Variants in CNTN5 observed in about 807,000 individuals in gnomAD.
CNTN5 encodes the protein contactin-5.
CNTN5 carries 77 observed loss-of-function variants against 129.1 expected under a neutral mutation model. The observed-to-expected ratio is 0.60, with a 90% CI of 0.50 to 0.72. CNTN5 has a LOEUF of 0.72. Ranked by LOEUF, CNTN5 falls within the 30% of genes least tolerant of loss-of-function variation. The probability of loss-of-function intolerance (pLI) is 0.00; values close to 1 mark genes in which losing one functional copy is unlikely to be tolerated. For synonymous variants in CNTN5, 509 were observed against 465.6 expected (o/e 1.09, Z -1.20); for missense variants, 1,478 against 1,328.8 (o/e 1.11, Z -1.75).
At chr11:99,428,308 C>G (rs913165915) in intron 2 of CNTN5, among the ~76,000 whole-genome samples, 1 of 151,528 alleles carries the variant, frequency 6.6e-6, no homozygotes, top group Admixed American at 6.6e-5. Context: ...GTTTTTAATC[C>G]CAGCACTTCG....
intron 1 of CNTN5, among the ~76,000 whole-genome samples, chr11:99,316,585 C>T (rs1017281445): frequency 2.6e-5 from 4 of 151,802 alleles, no homozygotes; most frequent in Admixed American, 2.0e-4. Context: ...AGTAGACGAC[C>T]CTTCGGTGGA....
intron 3 of CNTN5, among the ~76,000 whole-genome samples, chr11:99,624,962 G>A (rs636504): frequency 0.61 from 92,936 of 151,958 alleles, 29,302 homozygotes; most frequent in Admixed American, 0.74. Flanking sequence ...TTCACTTGAC[G>A]TGATCAGAGA....
chr11:100,163,524 C>CTATT (rs998233697), intron 13 of CNTN5, among the ~76,000 whole-genome samples: 12 of 151,940 alleles, frequency 7.9e-5, no homozygotes, highest in African/African-American at 2.6e-4. Flanking sequence ...TATCAAGCAA[C>CTATT]TATTTTCTGG....
chr11:99,382,845 C>CTTTGTTTTTTTTTTT (rs1940666870), intron 2 of CNTN5, among the ~76,000 whole-genome samples: 1 of 77,032 alleles, frequency 1.3e-5, no homozygotes, highest in African/African-American at 6.2e-5. Flanking sequence ...CTCTAAATAA[C>CTTTGTTTTTTTTTTT]TTTTTTTTTT....
At chr11:99,101,081 G>C (rs1866709930) in intron 1 of CNTN5, among the ~76,000 whole-genome samples, 1 of 152,134 alleles carries the variant, frequency 6.6e-6, no homozygotes, top group Non-Finnish European at 1.5e-5. Context: ...AAGGCGAAAG[G>C]CACATGTTAC....
At chr11:99,089,529 G>A (rs566781855) in intron 1 of CNTN5, among the ~76,000 whole-genome samples, 16 of 152,224 alleles carry the variant, frequency 1.1e-4, no homozygotes, top group African/African-American at 3.9e-4. Context: ...TCAAAATTCA[G>A]TCTCAGTCCC....
In CNTN5 at chr11:100,284,642, C is replaced by G. The variant is rs112107903; in HGVS notation, c.2315-12983C>G. ...TTTAATTGAATTTTAATATTCTATA[C>G]GTTACATGTTCTTAATACGGTTGAA... On this transcript the variant is annotated intron_variant, in intron 18 of 24. Coordinates refer to ENST00000524871, the MANE Select transcript of CNTN5 (RefSeq NM_014361.4). Among the ~76,000 whole-genome samples the G allele has an allele frequency of 2.0e-3, 302 of 152,168 alleles. 1 individual carries two copies. The highest frequency in any genetic ancestry group is 3.0e-3 in the Non-Finnish European group (205 of 68,010).
intron 15 of CNTN5, 38 bp from the exon 16 acceptor site, chr11:100,224,654 T>C (rs2138629080): frequency 1.9e-6 from 3 of 1,591,002 alleles, no homozygotes; most frequent in Non-Finnish European, 1.7e-6. Flanking sequence ...CTAGGCAGAT[T>C]TGCAACATTT....
intron 6 of CNTN5, among the ~76,000 whole-genome samples, chr11:99,864,655 C>T (rs981101658): frequency 6.6e-6 from 1 of 152,116 alleles, no homozygotes; most frequent in Non-Finnish European, 1.5e-5. Context: ...AGAGCCCCTC[C>T]CTGAACTCCC....
intron 3 of CNTN5, among the ~76,000 whole-genome samples, chr11:99,706,102 A>G (rs569923216): frequency 6.6e-6 from 1 of 151,546 alleles, no homozygotes; most frequent in East Asian, 1.9e-4. Flanking sequence ...TGATAATAGC[A>G]AAGTTTATTT....
At chr11:99,557,464 A>G (rs1411510647) in intron 3 of CNTN5, among the ~76,000 whole-genome samples, 1 of 151,434 alleles carries the variant, frequency 6.6e-6, no homozygotes, top group Non-Finnish European at 1.5e-5. Context: ...TCAAAGAACT[A>G]AACACATTCT....
intron 1 of CNTN5, among the ~76,000 whole-genome samples, chr11:99,272,186 A>G (rs1863205010): frequency 6.6e-6 from 1 of 151,888 alleles, no homozygotes; most frequent in African/African-American, 2.4e-5. Context: ...TGGCTGCGTC[A>G]CATTTTGTGC....
chr11:99,710,547 TTGTGTGTGTGTGTGTGTGCATGTG>T (rs1371906531), intron 3 of CNTN5, among the ~76,000 whole-genome samples: 8 of 146,010 alleles, frequency 5.5e-5, no homozygotes, highest in African/African-American at 2.0e-4. Context: ...CTGCTCTAGA[TTGTGTGTGTGTGTGTGTGCATGTG>T]TGTGTGTGTG....
chr11:99,899,997 C>G (rs2135944841), intron 6 of CNTN5, among the ~76,000 whole-genome samples: 1 of 151,946 alleles, frequency 6.6e-6, no homozygotes, highest in Non-Finnish European at 1.5e-5. Flanking sequence ...TCCATTTCCT[C>G]TAGGTGTTCT....
At chr11:100,061,119 C>T (rs780850037) in intron 9 of CNTN5, 93 bp from the exon 10 acceptor site, 38 of 977,380 alleles carry the variant, frequency 3.9e-5, no homozygotes, top group Non-Finnish European at 5.4e-5. Flanking sequence ...TTTTATTGCA[C>T]TCAGCCTATT....
chr11:99,969,689 T>G (rs1246379677), intron 8 of CNTN5, among the ~76,000 whole-genome samples: 1 of 152,142 alleles, frequency 6.6e-6, no homozygotes, highest in African/African-American at 2.4e-5. Context: ...CTTTTCATCT[T>G]TCCTGGCAGT....
At chr11:100,268,121 C>T (rs539460410) in intron 17 of CNTN5, among the ~76,000 whole-genome samples, 11 of 152,146 alleles carry the variant, frequency 7.2e-5, no homozygotes, top group Admixed American at 7.2e-4. Context: ...CATGGAGAAG[C>T]CTGAGAAACC....
intron 3 of CNTN5, among the ~76,000 whole-genome samples, chr11:99,625,195 A>G (rs886947985): frequency 5.9e-5 from 9 of 152,154 alleles, no homozygotes; most frequent in Admixed American, 4.6e-4. Flanking sequence ...ACAGTGATCT[A>G]TTGTTTGTCC....
At chr11:100,049,057 A>C (rs77446107) in intron 9 of CNTN5, among the ~76,000 whole-genome samples, 2,071 of 152,262 alleles carry the variant, frequency 0.014, 47 homozygotes, top group African/African-American at 0.046. Flanking sequence ...ACACCACAAG[A>C]AATGTTAAGG....
Sources: allele counts gnomAD v4.1 joint callset (sites outside exome capture counted in the v4.1 genomes callset), GRCh38; gene constraint gnomAD v4.1.1; transcripts MANE v1.5; gene names NCBI Gene and HGNC (gene_info 2026-07-23, HGNC 2026-07-21).